The following ZNG1A variants were observed in gnomAD, a reference collection of about 807,000 sequenced individuals.
ZNG1A encodes zinc-regulated GTPase metalloprotein activator 1A.
At chr9:177,710 T>C in the ZNG1A span, 4 of 1,475,626 alleles carry the variant, frequency 2.7e-6, no homozygotes, top group Non-Finnish European at 3.7e-6. Context: ...TCTCCAGTGA[T>C]CTACTGACCT....
the ZNG1A span, among the ~76,000 whole-genome samples, chr9:143,115 A>C: frequency 6.9e-6 from 1 of 145,614 alleles, no homozygotes; most frequent in Non-Finnish European, 1.5e-5. Flanking sequence ...TACCAGAGGT[A>C]CAAGGAGGAA....
At chr9:173,923 G>C in the ZNG1A span, among the ~76,000 whole-genome samples, 1 of 152,014 alleles carries the variant, frequency 6.6e-6, no homozygotes, top group Non-Finnish European at 1.5e-5. Context: ...CAAGGCGGGC[G>C]GATCACGAGG....
the ZNG1A span, chr9:150,128 T>G: frequency 3.7e-3 from 454 of 122,582 alleles, 5 homozygotes; most frequent in African/African-American, 0.014. Context: ...TTTGTTTTTT[T>G]TTTTTTTTTT....
chr9:146,232 C>G, the ZNG1A span: 8 of 1,578,852 alleles, frequency 5.1e-6, no homozygotes, highest in Non-Finnish European at 6.0e-6. Context: ...AAAAAAAACT[C>G]TGACTTAAAA....
At chr9:171,299 T>C in the ZNG1A span, among the ~76,000 whole-genome samples, 8,275 of 151,864 alleles carry the variant, frequency 0.054, 250 homozygotes, top group African/African-American at 0.098. Flanking sequence ...TACTTTAATA[T>C]AGTTTTACAA....
the ZNG1A span, among the ~76,000 whole-genome samples, chr9:124,022 A>G: frequency 2.0e-5 from 3 of 152,226 alleles, no homozygotes; most frequent in African/African-American, 7.2e-5. Flanking sequence ...CTTTAACTGA[A>G]TAAGCATGTG....
At chr9:131,708 A>G in the ZNG1A span, among the ~76,000 whole-genome samples, 2 of 147,756 alleles carry the variant, frequency 1.4e-5, no homozygotes, top group South Asian at 2.2e-4. Context: ...AGGCAAGTCT[A>G]CTGGTGAAAC....
At chr9:154,525 G>A in the ZNG1A span, 1 of 593,914 alleles carries the variant, frequency 1.7e-6, no homozygotes, top group South Asian at 2.1e-5. Flanking sequence ...CAAGCACTGG[G>A]GACTAATTTT....
At chr9:138,216 C>T in the ZNG1A span, among the ~76,000 whole-genome samples, 2 of 151,554 alleles carry the variant, frequency 1.3e-5, no homozygotes, top group African/African-American at 4.9e-5. Context: ...GCTCCAATAC[C>T]AGAAGCTACA....
the ZNG1A span, among the ~76,000 whole-genome samples, chr9:138,641 G>C: frequency 6.9e-5 from 10 of 144,522 alleles, no homozygotes; most frequent in East Asian, 4.0e-4. Flanking sequence ...GGCTACACAT[G>C]TAATCCCAGC....
At chr9:140,133 G>T in the ZNG1A span, among the ~76,000 whole-genome samples, 1 of 147,416 alleles carries the variant, frequency 6.8e-6, no homozygotes, top group African/African-American at 2.6e-5. Context: ...CAAAGCAGCC[G>T]GGAAGCTCGA....
At chr9:139,881 T>G in the ZNG1A span, among the ~76,000 whole-genome samples, 47 of 150,566 alleles carry the variant, frequency 3.1e-4, no homozygotes, top group African/African-American at 1.0e-3. Flanking sequence ...TTCCCTTTCC[T>G]AGTCAAAGAA....
the ZNG1A span, among the ~76,000 whole-genome samples, chr9:130,401 G>C: frequency 0.031 from 4,008 of 131,032 alleles, 459 homozygotes; most frequent in African/African-American, 0.12. Flanking sequence ...CGCAAAATAC[G>C]ACTCCAAATG....
At chr9:171,883 G>A in the ZNG1A span, 1 of 667,376 alleles carries the variant, frequency 1.5e-6, no homozygotes, top group African/African-American at 1.8e-5. Flanking sequence ...CAGCTTAAAA[G>A]TACCAAGAAA....
the ZNG1A span, among the ~76,000 whole-genome samples, chr9:127,240 TTC>T: frequency 6.6e-6 from 1 of 152,112 alleles, no homozygotes; most frequent in African/African-American, 2.4e-5. Flanking sequence ...TTTGTTGACT[TTC>T]TGTCTTGATG....
chr9:145,242 T>C, the ZNG1A span, among the ~76,000 whole-genome samples: 2 of 151,770 alleles, frequency 1.3e-5, no homozygotes, highest in East Asian at 1.9e-4. Context: ...TAAAGACACA[T>C]GCACACGTAT....
At chr9:147,013 A>G in the ZNG1A span, 2 of 150,982 alleles carry the variant, frequency 1.3e-5, no homozygotes, top group African/African-American at 2.4e-5. Context: ...CCCTGTCTCT[A>G]CCAAAAATAC....
At chr9:161,219 A>G in the ZNG1A span, among the ~76,000 whole-genome samples, 1 of 152,144 alleles carries the variant, frequency 6.6e-6, no homozygotes, top group African/African-American at 2.4e-5. Flanking sequence ...CTGTAATCCC[A>G]GCACTTTGGG....
At chr9:121,377 G>A in the ZNG1A span, 22 of 816,508 alleles carry the variant, frequency 2.7e-5, no homozygotes, top group South Asian at 1.0e-4. Context: ...ATTGGAATTC[G>A]TAACTAAAGT....
Sources: gnomAD v4.1 joint callset for allele counts (sites outside exome capture counted in the v4.1 genomes callset) on GRCh38, gnomAD v4.1.1 for gene constraint, MANE v1.5 for transcripts, NCBI Gene and HGNC (gene_info 2026-07-23, HGNC 2026-07-21) for gene names.